Variants in LIFR observed in about 807,000 individuals in gnomAD.
LIFR encodes the protein leukemia inhibitory factor receptor.
LIFR carries 84 observed loss-of-function variants against 122.2 expected under a neutral mutation model. The ratio of observed to expected loss-of-function variants is 0.69; its 90% confidence interval spans 0.58 to 0.82. The LOEUF (loss-of-function observed/expected upper bound fraction) is 0.82, where lower values mean the gene tolerates loss of function less well. Ranked by LOEUF, LIFR falls within the 40% of genes least tolerant of loss-of-function variation. The pLI, the probability that LIFR is intolerant of heterozygous loss-of-function variation, is 0.00. For synonymous variants in LIFR, 422 were observed against 434.7 expected (o/e 0.97, Z 0.36); for missense variants, 1,294 against 1,311.6 (o/e 0.99, Z 0.21).
At chr5:38,495,769 C>T (rs778236350) in intron 13 of LIFR, among the ~76,000 whole-genome samples, 1 of 152,140 alleles carries the variant, frequency 6.6e-6, no homozygotes, top group Non-Finnish European at 1.5e-5. Context: ...TCAAAGTTGT[C>T]AAGGCAGAAG....
At position 38,550,750 on chromosome 5, in the gene LIFR, T is replaced by C. The variant is rs527478671; in HGVS notation, c.-20+5584A>G. ...CCTGCCCTTGAGGAGCTGTTGGTTC[T>C]AGAGAGGAGTTGAGAACCCTGCACT... On this transcript the variant is annotated intron_variant, in intron 1 of 19. Coordinates refer to ENST00000453190, the MANE Select transcript of LIFR (RefSeq NM_001127671.2). Among the ~76,000 whole-genome samples the C allele has an allele frequency of 1.4e-4, 21 of 152,298 alleles. No homozygotes were observed. In the South Asian group the frequency reaches 4.4e-3, roughly 32 times the overall value.
intron 2 of LIFR, among the ~76,000 whole-genome samples, chr5:38,602,207 C>G (rs891663798): frequency 6.6e-6 from 1 of 152,196 alleles, no homozygotes; most frequent in Non-Finnish European, 1.5e-5. Context: ...GATGATGTTA[C>G]TCCATAGTTC....
rs1159762555 is a variant in LIFR at position 38,502,813 on chromosome 5, A to C, written c.1438-14T>G. 1.4e-6 allele frequency: 2 copies of C among 1,394,834 alleles called. No individual in the cohort carries two copies. Among genetic ancestry groups the C allele is most frequent in the South Asian group, 1.2e-5 (1 of 81,068 alleles). The allele number at this position is 1,394,834 out of a possible 1,614,324, so 86.4% of individuals were successfully genotyped here. A position where few individuals can be genotyped will look rare whatever the true frequency, so the allele number is the denominator to read the frequency against. On this transcript the variant is annotated splice_polypyrimidine_tract_variant and intron_variant, in intron 10 of 19. Coordinates refer to ENST00000453190, the MANE Select transcript of LIFR (RefSeq NM_001127671.2). ...TGTGACATTCCGCTATTGGAAAACA[A>C]ATAAATATATATATATGTATATATT...
chr5:38,519,282 G>A (rs535587135), intron 5 of LIFR, among the ~76,000 whole-genome samples: 24 of 152,234 alleles, frequency 1.6e-4, no homozygotes, highest in African/African-American at 5.3e-4. Context: ...AGTCCTGCAA[G>A]CTCCATTCAC....
Position 38,528,847 on chromosome 5 carries a change from G to T in LIFR, c.143-7C>A. 1 of 1,222,010 alleles carries T rather than the reference G, an allele frequency of 8.2e-7. No homozygotes were observed. Among genetic ancestry groups the T allele is most frequent in the Non-Finnish European group, 1.1e-6 (1 of 873,130 alleles). The allele number at this position is 1,222,010 out of a possible 1,614,324, so 75.7% of individuals were successfully genotyped here. A position where few individuals can be genotyped will look rare whatever the true frequency, so the allele number is the denominator to read the frequency against. On this transcript the variant is annotated splice_polypyrimidine_tract_variant and splice_region_variant and intron_variant, in intron 2 of 19. Transcript: ENST00000453190. Reference sequence around the variant, plus strand: ...TTCAAATCATGAGGAGCCCCTGGAGGAGACACACACACACACACACACACA... The same window carrying T: ...TTCAAATCATGAGGAGCCCCTGGAGTAGACACACACACACACACACACACA...
rs749039254 is a variant in LIFR, at chr5:38,527,326, AT to A, written c.258-33del. Reference sequence around the variant, plus strand: ...TAAGAAATTGAATTTTAATTAGCAAATAAAATTAATAGTATAATTTTCATAA... The same window carrying A: ...TAAGAAATTGAATTTTAATTAGCAAAAAAATTAATAGTATAATTTTCATAA... On this transcript the variant is annotated intron_variant, in intron 3 of 19. Transcript: ENST00000453190. 8 of 1,308,846 alleles carry A rather than the reference AT, an allele frequency of 6.1e-6. No homozygotes were observed. In the East Asian group the frequency reaches 1.4e-4, roughly 23 times the overall value. 81.1% of individuals were successfully genotyped at this position (1,308,846 alleles called of 1,614,324 possible).
chr5:38,603,242 C>T (rs901548162), intron 2 of LIFR, among the ~76,000 whole-genome samples: 3 of 152,214 alleles, frequency 2.0e-5, no homozygotes, highest in African/African-American at 7.2e-5. Flanking sequence ...TACTTTGAAA[C>T]TTGCCTTGGT....
chr5:38,572,611 C>T (rs1749250467), intron 1 of LIFR, among the ~76,000 whole-genome samples: 1 of 152,170 alleles, frequency 6.6e-6, no homozygotes. Context: ...TCCTAGTGCT[C>T]CTTCTGTGCG....
chr5:38,581,804 A>G (rs1749590409), intron 1 of LIFR, among the ~76,000 whole-genome samples: 1 of 152,224 alleles, frequency 6.6e-6, no homozygotes. Flanking sequence ...AGGGAAATAT[A>G]AACCTGTCAC....
At chr5:38,483,115 C>G (rs1236484608) in intron 18 of LIFR, among the ~76,000 whole-genome samples, 2 of 151,262 alleles carry the variant, frequency 1.3e-5, no homozygotes, top group Non-Finnish European at 2.9e-5. Context: ...TAAATGCAGC[C>G]AAAAATGAGA....
intron 1 of LIFR, among the ~76,000 whole-genome samples, chr5:38,535,912 T>C (rs1402621746): frequency 1.3e-5 from 2 of 152,158 alleles, no homozygotes; most frequent in African/African-American, 4.8e-5. Context: ...CAAAGCAAAC[T>C]GACAGAGCTA....
chr5:38,489,277 G>A (rs1384602742), intron 15 of LIFR, 32 bp from the exon 16 acceptor site: 1 of 1,549,954 alleles, frequency 6.5e-7, no homozygotes, highest in Non-Finnish European at 8.9e-7. Flanking sequence ...TGCTAAAGGG[G>A]AGTGTATGAA....
chr5:38,580,918 C>T lies in LIFR; in HGVS notation c.-20+14343G>A, dbSNP rs61243732. Among the ~76,000 whole-genome samples the T allele has an allele frequency of 4.2e-3, 633 of 152,196 alleles. 3 individuals carry two copies. Among genetic ancestry groups the T allele is most frequent in the African/African-American group, 0.014 (596 of 41,518 alleles). On this transcript the variant is annotated intron_variant, in intron 1 of 19. Coordinates refer to the LIFR transcript ENST00000263409. ...ATGCTTATTACCACTTTCTAGGCTT[C>T]TGAGAGTGGGATATGGATTCTGGCA... is the stretch of plus-strand genomic sequence containing the variant.
intron 5 of LIFR, among the ~76,000 whole-genome samples, chr5:38,513,476 G>A (rs925378973): frequency 5.9e-5 from 9 of 152,192 alleles, no homozygotes; most frequent in African/African-American, 2.2e-4. Flanking sequence ...CTTGGCAGAA[G>A]AATAAAGATT....
chr5:38,492,931 CT>C (rs977297979), intron 14 of LIFR, among the ~76,000 whole-genome samples: 1 of 152,178 alleles, frequency 6.6e-6, no homozygotes, highest in African/African-American at 2.4e-5. Flanking sequence ...CTGGATTAGC[CT>C]GTAGGTTATT....
chr5:38,558,492 A>T (rs1200449075), upstream of LIFR: 2 of 152,136 alleles, frequency 1.3e-5, no homozygotes, highest in Non-Finnish European at 2.9e-5. Context: ...TCTCACACTT[A>T]GGGGGTAATG....
At chr5:38,503,222 T>C (rs1005278837) in intron 10 of LIFR, among the ~76,000 whole-genome samples, 12 of 152,220 alleles carry the variant, frequency 7.9e-5, no homozygotes, top group Admixed American at 2.0e-4. Flanking sequence ...TGGAAGTTTC[T>C]TGGAGGCAGG....
chr5:38,584,253 T>C (rs576034200), intron 1 of LIFR, among the ~76,000 whole-genome samples: 1 of 152,264 alleles, frequency 6.6e-6, no homozygotes, highest in African/African-American at 2.4e-5. Context: ...TTGGTGGGAA[T>C]TTAGATTGAT....
chr5:38,553,639 TATA>T (rs1338967209), intron 1 of LIFR, among the ~76,000 whole-genome samples: 1 of 79,090 alleles, frequency 1.3e-5, no homozygotes, highest in African/African-American at 7.1e-5. Flanking sequence ...TATATATATA[TATA>T]TATATATATA....
Sources: allele counts gnomAD v4.1 joint callset (sites outside exome capture counted in the v4.1 genomes callset), GRCh38; gene constraint gnomAD v4.1.1; transcripts MANE v1.5; gene names NCBI Gene and HGNC (gene_info 2026-07-23, HGNC 2026-07-21).